The following CLCN7 variants were observed in gnomAD, a reference collection of about 807,000 sequenced individuals.
CLCN7 encodes the protein H(+)/Cl(-) exchange transporter 7.
Under a neutral mutation model 102.1 loss-of-function variants are expected in CLCN7, and 60 were observed. The observed-to-expected ratio is 0.59, with a 90% confidence interval of 0.48 to 0.73. CLCN7 has a LOEUF of 0.73. CLCN7 is among the 30% of genes least tolerant of loss of function. The probability of loss-of-function intolerance (pLI) is 0.00; values close to 1 mark genes in which losing one functional copy is unlikely to be tolerated. For synonymous variants in CLCN7, 560 were observed against 490.5 expected, an observed-to-expected ratio of 1.14 and a Z score of -1.87; for missense variants, 962 against 1,125.7, an observed-to-expected ratio of 0.85 and a Z score of 2.08.
intron 7 of CLCN7, 44 bp downstream of exon 7, chr16:1,459,063 G>A (rs747275261): frequency 1.3e-6 from 2 of 1,525,286 alleles, no homozygotes; most frequent in African/African-American, 2.7e-5. Context: ...AACCAGCAAA[G>A]AGCGGGCGCC....
chr16:1,452,640 C>A (rs190581022), intron 15 of CLCN7, 115 bp downstream of exon 15: 2 of 1,133,480 alleles, frequency 1.8e-6, no homozygotes, highest in South Asian at 1.5e-5. Flanking sequence ...CCAGCCCATG[C>A]GCTTCTGGAA....
intron 2 of CLCN7, among the ~76,000 whole-genome samples, chr16:1,463,428 G>C (rs1195038474): frequency 6.6e-6 from 1 of 152,080 alleles, no homozygotes; most frequent in Admixed American, 6.6e-5. Context: ...GAGCCTGAGA[G>C]ATGGAGTTCA....
chr16:1,461,630 G>C lies in CLCN7; in HGVS notation c.258C>G (p.Asn86Lys). ...PHPFPKEIPH[N>K]EKLLSLKYES... ...CATACTTGAGGGACAGGAGCTTCTC[G>C]TTGTGTGGGATCTCCTTGGGGAAGG... is the stretch of plus-strand genomic sequence containing the variant. Residue 86 changes from asparagine (N) to lysine (K), a missense_variant, in exon 3 of 25, where the codon AAC becomes AAG. Coordinates refer to ENST00000382745, the MANE Select transcript of CLCN7 (RefSeq NM_001287.6). 3 of 1,614,148 alleles carry C rather than the reference G, an allele frequency of 1.9e-6. No homozygotes were observed. The highest frequency in any genetic ancestry group is 2.5e-6 in the Non-Finnish European group (3 of 1,180,018).
chr16:1,470,610 C>G lies in CLCN7; in HGVS notation c.141+4224G>C, dbSNP rs1454990988. ...GCAAGACAGACACTGAACAGCAATG[C>G]TGGAGGGCAGGGAAGGGCAGGGGAC... On this transcript the variant is annotated intron_variant, in intron 1 of 24. Transcript: ENST00000382745. 2.0e-5 allele frequency among the ~76,000 whole-genome samples: 3 copies of G among 152,186 alleles called. No homozygotes were observed. The East Asian group carries it at 5.8e-4, about 29-fold the overall frequency.
chr16:1,456,700 G>C (rs1301189698), intron 9 of CLCN7, among the ~76,000 whole-genome samples: 1 of 152,084 alleles, frequency 6.6e-6, no homozygotes, highest in Non-Finnish European at 1.5e-5. Context: ...ACTTAGCCAG[G>C]CGTGGTGGCG....
Position 1,450,567 on chromosome 16 carries a change from G to C in CLCN7, c.1547C>G (p.Pro516Arg). The C allele has an allele frequency of 1.2e-6, 2 of 1,612,208 alleles. No individual in the cohort carries two copies. Among genetic ancestry groups the C allele is most frequent in the Non-Finnish European group, 1.7e-6 (2 of 1,179,678 alleles). ...CCAGGCAGCCCCGATGAGCAGGGACGGGATGAAGACCCCGGCAGACACCGT... is the reference window on the plus strand; with the variant it reads ...CCAGGCAGCCCCGATGAGCAGGGACCGGATGAAGACCCCGGCAGACACCGT... Reference protein sequence around the residue: ...GLTVSAGVFIPSLLIGAAWGR... With the variant: ...GLTVSAGVFIRSLLIGAAWGR... The change falls in exon 17 of 25, where the codon CCG becomes CGG. Residue 516 changes from proline to arginine, a missense_variant. Physicochemically the swap from Pro to Arg is moderately radical, Grantham distance 103. Coordinates refer to ENST00000382745, the MANE Select transcript of CLCN7 (RefSeq NM_001287.6).
At chr16:1,452,395 G>A in intron 15 of CLCN7, 1 of 327,638 alleles carries the variant, frequency 3.1e-6, no homozygotes, top group South Asian at 3.5e-5. Context: ...ACGGCGGTGA[G>A]CCGTGAGCGC....
At position 1,461,693 on chromosome 16, in the gene CLCN7, A is replaced by G; in HGVS notation, c.214-19T>C. The stretch of plus-strand genomic sequence containing the variant: ...CCATATCCTGTGGCAGAAAAAGGCA[A>G]AGAGAGAAGCACAGTTGACAAGGCC... On this transcript the variant is annotated intron_variant, in intron 2 of 24. Coordinates refer to ENST00000382745, the MANE Select transcript of CLCN7 (RefSeq NM_001287.6). 6.2e-7 allele frequency: 1 copy of G among 1,610,036 alleles called. No individual in the cohort carries two copies. The highest frequency in any genetic ancestry group is 8.5e-7 in the Non-Finnish European group (1 of 1,176,688).
chr16:1,450,094 G>A (rs930911527), intron 17 of CLCN7: 7 of 221,610 alleles, frequency 3.2e-5, no homozygotes, highest in South Asian at 2.1e-4. Flanking sequence ...GAAGGCCTGC[G>A]GGGGCTGAGG....
At chr16:1,453,745 G>T (rs571305409) in intron 14 of CLCN7, 89 bp downstream of exon 14, 10 of 1,213,518 alleles carry the variant, frequency 8.2e-6, no homozygotes, top group Admixed American at 1.7e-5. Context: ...TGTGGCCTAG[G>T]AGTGTAAACC....
chr16:1,447,142 C>G (rs762805171), intron 23 of CLCN7, 56 bp from the exon 24 acceptor site: 2 of 1,495,066 alleles, frequency 1.3e-6, no homozygotes, highest in South Asian at 1.2e-5. Flanking sequence ...CAGGCGGGAC[C>G]CTCACCCAAG....
intron 16 of CLCN7, 34 bp from the exon 17 acceptor site, chr16:1,450,700 G>C: frequency 6.7e-7 from 1 of 1,494,478 alleles, no homozygotes; most frequent in Non-Finnish European, 9.0e-7. Context: ...GGGCCTCCAC[G>C]ACTCCCGCCT....
chr16:1,453,009 G>C (rs529218631), intron 14 of CLCN7, 116 bp from the exon 15 acceptor site: 2 of 1,435,558 alleles, frequency 1.4e-6, no homozygotes, highest in African/African-American at 1.4e-5. Flanking sequence ...CTTTTTGTTT[G>C]TTTGTTTTTG....
At chr16:1,454,942 G>C (rs1407337479) in intron 12 of CLCN7, among the ~76,000 whole-genome samples, 192 bp downstream of exon 12, 1 of 152,230 alleles carries the variant, frequency 6.6e-6, no homozygotes, top group Admixed American at 6.5e-5. Flanking sequence ...GTCACATGGT[G>C]CCCTGACCTG....
intron 5 of CLCN7, 39 bp downstream of exon 5, chr16:1,460,777 C>A (rs767056683): frequency 6.2e-7 from 1 of 1,613,542 alleles, no homozygotes; most frequent in Admixed American, 1.7e-5. Flanking sequence ...CAGGCCACGC[C>A]CCCCTCCCAA....
intron 2 of CLCN7, among the ~76,000 whole-genome samples, chr16:1,462,018 G>A (rs2038945048): frequency 6.6e-6 from 1 of 151,764 alleles, no homozygotes; most frequent in Non-Finnish European, 1.5e-5. Flanking sequence ...CCGGGATGCA[G>A]AGGTTGCAGT....
intron 4 of CLCN7, 93 bp from the exon 5 acceptor site, chr16:1,461,041 G>A (rs997316466): frequency 2.7e-6 from 4 of 1,487,900 alleles, no homozygotes; most frequent in Non-Finnish European, 3.6e-6. Flanking sequence ...CAGGCCCCGG[G>A]ATTATGAAGG....
rs1567269766 is a variant in CLCN7 at position 1,457,057 on chromosome 16, A to G, written c.822+197T>C. On this transcript the variant is annotated intron_variant, in intron 9 of 24. Transcript: ENST00000382745. This position sits in a 1 kb window ranked among gnomAD's most constrained non-coding sequence, Gnocchi z 5.4. ...TGCACGTGTGGCAGGGGACCCAAGG[A>G]GGGAAGCAGCGGGCCGTAGGGAGGC... Among the ~76,000 whole-genome samples, 1 of 152,100 alleles carries G rather than the reference A, an allele frequency of 6.6e-6. No individual in the cohort carries two copies. The highest frequency in any genetic ancestry group is 1.5e-5 in the Non-Finnish European group (1 of 68,000).
Position 1,446,517 on chromosome 16 carries a change from C to T in CLCN7, c.*114G>A, listed in dbSNP as rs778416836. ...CCTGCCCGCCCAGCTGCAGGGTGCT[C>T]GCCATTGCCACTGCTGGGGAGCATG... On this transcript the variant is annotated 3_prime_UTR_variant, in exon 25 of 25. Coordinates refer to ENST00000382745, the MANE Select transcript of CLCN7 (RefSeq NM_001287.6). 1.1e-5 allele frequency: 11 copies of T among 978,900 alleles called. No homozygotes were observed. Among genetic ancestry groups the T allele is most frequent in the Admixed American group, 4.0e-5 (2 of 50,244 alleles). The allele number at this position is 978,900 out of a possible 1,614,324, so 60.6% of individuals were successfully genotyped here. A position where few individuals can be genotyped will look rare whatever the true frequency, so the allele number is the denominator to read the frequency against.
Sources: gnomAD v4.1 joint callset for allele counts (sites outside exome capture counted in the v4.1 genomes callset) on GRCh38, gnomAD v4.1.1 for gene constraint, Gnocchi (gnomAD v3.1) non-coding constraint, MANE v1.5 for transcripts, NCBI Gene and HGNC (gene_info 2026-07-23, HGNC 2026-07-21) for gene names.